Variants in PM20D2 observed in about 807,000 individuals in gnomAD.
PM20D2 encodes peptidase M20 domain containing 2.
In PM20D2, 33 loss-of-function variants were observed where a neutral mutation model predicts 42.9. The ratio of observed to expected loss-of-function variants is 0.77; its 90% CI spans 0.58 to 1.03. The LOEUF (loss-of-function observed/expected upper bound fraction) is 1.03. PM20D2 is among the 50% of genes least tolerant of loss of function. The probability of loss-of-function intolerance (pLI) is 0.00; values close to 1 mark genes in which losing one functional copy is unlikely to be tolerated. For synonymous variants in PM20D2, 250 were observed against 228.2 expected, an observed-to-expected ratio of 1.10 and a Z score of -0.86; for missense variants, 548 against 557.0, an observed-to-expected ratio of 0.98 and a Z score of 0.16.
the PM20D2 span, among the ~76,000 whole-genome samples, chr6:89,100,540 G>A: frequency 6.7e-6 from 1 of 148,346 alleles, no homozygotes; most frequent in African/African-American, 2.5e-5. Context: ...AAAAAAACAG[G>A]CAAGAATAAC....
the PM20D2 span, among the ~76,000 whole-genome samples, chr6:89,136,309 A>G: frequency 1.3e-5 from 2 of 151,252 alleles, no homozygotes; most frequent in African/African-American, 2.5e-5. Flanking sequence ...AATTCAGTGT[A>G]ATTTATTTCT....
the PM20D2 span, among the ~76,000 whole-genome samples, chr6:89,126,999 A>G: frequency 1.3e-5 from 2 of 152,200 alleles, no homozygotes; most frequent in Admixed American, 6.5e-5. Context: ...ATGAATTAAA[A>G]CATATCAAAT....
At chr6:89,107,427 G>C in the PM20D2 span, among the ~76,000 whole-genome samples, 3 of 152,068 alleles carry the variant, frequency 2.0e-5, no homozygotes, top group Admixed American at 1.3e-4. Context: ...AGGGAAAAAA[G>C]AAAGGAAAAA....
the PM20D2 span, chr6:89,106,600 A>T: frequency 6.3e-6 from 1 of 159,856 alleles, no homozygotes; most frequent in Admixed American, 6.0e-5. Flanking sequence ...TTTTTTTAGG[A>T]GGTTGTTCAC....
At chr6:89,154,486 A>C (rs1165850729) in intron 3 of PM20D2, among the ~76,000 whole-genome samples, 2 of 152,188 alleles carry the variant, frequency 1.3e-5, no homozygotes, top group African/African-American at 4.8e-5. Flanking sequence ...AGTCTGGATC[A>C]TAATTTCTTA....
At chr6:89,151,959 C>T (rs1770862586) in intron 2 of PM20D2, among the ~76,000 whole-genome samples, 3 of 151,996 alleles carry the variant, frequency 2.0e-5, no homozygotes. Context: ...GCATGGAGCA[C>T]TCCTGTGGTC....
the PM20D2 span, among the ~76,000 whole-genome samples, chr6:89,139,372 G>A: frequency 6.6e-6 from 1 of 152,070 alleles, no homozygotes; most frequent in Non-Finnish European, 1.5e-5. Flanking sequence ...ACCATACCCA[G>A]CTAATTTTTT....
At chr6:89,124,733 G>GTTTTTTTTTTTTT in the PM20D2 span, among the ~76,000 whole-genome samples, 22 of 79,608 alleles carry the variant, frequency 2.8e-4, no homozygotes, top group Admixed American at 3.9e-4. Context: ...TGTTGCTGTT[G>GTTTTTTTTTTTTT]TTGTTTTTTT....
chr6:89,124,733 G>GTTTTTTTTTTTT, the PM20D2 span, among the ~76,000 whole-genome samples: 15 of 79,612 alleles, frequency 1.9e-4, 1 homozygote, highest in Admixed American at 2.6e-4. Context: ...TGTTGCTGTT[G>GTTTTTTTTTTTT]TTGTTTTTTT....
the PM20D2 span, among the ~76,000 whole-genome samples, chr6:89,134,802 T>C: frequency 1.3e-5 from 2 of 150,976 alleles, no homozygotes; most frequent in East Asian, 1.9e-4. Flanking sequence ...TCTCAGAAAA[T>C]TGTAAGGGAG....
At chr6:89,160,551 A>T (rs1325150394) in intron 5 of PM20D2, among the ~76,000 whole-genome samples, 1 of 152,232 alleles carries the variant, frequency 6.6e-6, no homozygotes, top group Non-Finnish European at 1.5e-5. Flanking sequence ...TTGAGTGAAC[A>T]TAAGGCTTTG....
chr6:89,160,174 T>G (rs551719727), intron 5 of PM20D2, among the ~76,000 whole-genome samples: 1 of 152,324 alleles, frequency 6.6e-6, no homozygotes, highest in East Asian at 1.9e-4. Flanking sequence ...GCATCCTCAG[T>G]GTGTGGAGCC....
chr6:89,127,331 C>CTT, the PM20D2 span, among the ~76,000 whole-genome samples: 9 of 137,180 alleles, frequency 6.6e-5, no homozygotes, highest in South Asian at 2.3e-4. Flanking sequence ...CTGTGAAATG[C>CTT]TTTTTTTTTT....
Position 89,148,437 on chromosome 6 carries a change from A to C in PM20D2, c.466-828A>C, listed in dbSNP as rs1770685972. On this transcript the variant is annotated intron_variant, in intron 1 of 6. Coordinates refer to ENST00000275072, the MANE Select transcript of PM20D2 (RefSeq NM_001010853.3). ...GATCTTGAAAATATATTAGTTGTTT[A>C]TTTTGATTTTTAAAATTGTTTGAAG... The C allele has an allele frequency of 5.1e-6, 3 of 591,638 alleles. No individual in the cohort carries two copies. The African/African-American group carries it at 6.1e-5, about 12-fold the overall frequency. 36.6% of individuals were successfully genotyped at this position (591,638 alleles called of 1,614,324 possible).
rs1771130629 is a variant in PM20D2 at position 89,158,559 on chromosome 6, AC to A, written c.1048+100del. 1.3e-5 allele frequency: 17 copies of A among 1,339,736 alleles called. No individual in the cohort carries two copies. The South Asian group carries it at 2.1e-4, about 17-fold the overall frequency. The allele number at this position is 1,339,736 out of a possible 1,614,324, so 83.0% of individuals were successfully genotyped here. A position where few individuals can be genotyped will look rare whatever the true frequency, so the allele number is the denominator to read the frequency against. On this transcript the variant is annotated intron_variant, in intron 5 of 6. Coordinates refer to ENST00000275072, the MANE Select transcript of PM20D2 (RefSeq NM_001010853.3). The stretch of plus-strand genomic sequence containing the variant: ...TTAATGGTTTGGGAGGTCGGGAGGT[AC>A]TACTGACGTTTTTAATATTTTCACA...
At chr6:89,161,963 C>G in intron 6 of PM20D2, 73 bp downstream of exon 6, 5 of 1,499,948 alleles carry the variant, frequency 3.3e-6, no homozygotes, top group Non-Finnish European at 4.6e-6. Context: ...TCTGTTTAAC[C>G]TACTATTTCA....
At position 89,162,300 on chromosome 6, in the gene PM20D2, A is replaced by G; in HGVS notation, c.*37A>G. 6.4e-7 allele frequency: 1 copy of G among 1,560,308 alleles called. No individual in the cohort carries two copies. Among genetic ancestry groups the G allele is most frequent in the Non-Finnish European group, 8.7e-7 (1 of 1,153,140 alleles). On this transcript the variant is annotated 3_prime_UTR_variant, in exon 7 of 7. Coordinates refer to ENST00000275072, the MANE Select transcript of PM20D2 (RefSeq NM_001010853.3). ...GCCACTTATAAATCAAGAAGACGTG[A>G]TGATTTTTTTCTTTTAATCTCTTTT...
chr6:89,112,031 C>T, the PM20D2 span, among the ~76,000 whole-genome samples: 1 of 152,038 alleles, frequency 6.6e-6, no homozygotes, highest in African/African-American at 2.4e-5. Context: ...ATTTTGAGAC[C>T]GAGCCTCACT....
At chr6:89,098,771 C>T in the PM20D2 span, 167 of 1,613,914 alleles carry the variant, frequency 1.0e-4, no homozygotes, top group African/African-American at 2.0e-3. Context: ...TTGAGGTGAA[C>T]TTGACTGTGA....
Sources: allele counts gnomAD v4.1 joint callset (sites outside exome capture counted in the v4.1 genomes callset), GRCh38; gene constraint gnomAD v4.1.1; transcripts MANE v1.5; gene names NCBI Gene and HGNC (gene_info 2026-07-23, HGNC 2026-07-21).